Variants in SNX29 observed in about 807,000 individuals in gnomAD.
SNX29 encodes the protein sorting nexin-29.
A neutral mutation model predicts 102.1 loss-of-function variants in SNX29; 78 were observed. That is an observed-to-expected ratio of 0.76 (90% CI 0.64 to 0.92). SNX29 has a LOEUF of 0.92. Among genes scored for constraint, SNX29 ranks in the 40% least tolerant of loss-of-function variants. The pLI, the probability that SNX29 is intolerant of heterozygous loss-of-function variation, is 0.00. For synonymous variants in SNX29, 580 were observed against 414.5 expected (o/e 1.40, Z -4.85); for missense variants, 1,280 against 1,061.7 (o/e 1.21, Z -2.86).
intron 11 of SNX29, among the ~76,000 whole-genome samples, chr16:12,107,705 G>A (rs1010566456): frequency 2.6e-5 from 4 of 152,140 alleles, no homozygotes; most frequent in Non-Finnish European, 1.5e-5. Flanking sequence ...TCGAGGTGAC[G>A]AGTGGGTGGT....
chr16:12,352,549 A>C (rs2082018898), intron 15 of SNX29, among the ~76,000 whole-genome samples: 2 of 152,374 alleles, frequency 1.3e-5, no homozygotes, highest in African/African-American at 4.8e-5. Flanking sequence ...CCAAATAGGC[A>C]AGTTACTTAA....
intron 10 of SNX29, among the ~76,000 whole-genome samples, chr16:12,071,318 C>G (rs2051290295): frequency 6.6e-6 from 1 of 152,096 alleles, no homozygotes; most frequent in Non-Finnish European, 1.5e-5. Flanking sequence ...ACATGTAAGT[C>G]TTTAATCCAT....
chr16:12,350,035 T>C (rs2081950870), intron 15 of SNX29, among the ~76,000 whole-genome samples: 1 of 152,244 alleles, frequency 6.6e-6, no homozygotes, highest in Admixed American at 6.5e-5. Context: ...TTTCCTCCTC[T>C]GATGTTATAC....
intron 20 of SNX29, among the ~76,000 whole-genome samples, chr16:12,551,330 T>C (rs1331322816): frequency 6.6e-6 from 1 of 152,210 alleles, no homozygotes; most frequent in African/African-American, 2.4e-5. Flanking sequence ...ACCTCAGAGA[T>C]ATGTGGAATC....
chr16:12,198,680 G>A (rs1468677560), intron 13 of SNX29, among the ~76,000 whole-genome samples: 1 of 152,190 alleles, frequency 6.6e-6, no homozygotes, highest in Non-Finnish European at 1.5e-5. Context: ...GTGGGCCTTG[G>A]GGGCAGGGAA....
intron 20 of SNX29, among the ~76,000 whole-genome samples, chr16:12,540,828 G>T (rs2077300659): frequency 6.6e-6 from 1 of 152,178 alleles, no homozygotes; most frequent in Non-Finnish European, 1.5e-5. Flanking sequence ...GGGGCAAAAA[G>T]AAACAAGATC....
intron 20 of SNX29, among the ~76,000 whole-genome samples, chr16:12,537,384 A>C (rs181630062): frequency 6.6e-6 from 1 of 152,256 alleles, no homozygotes; most frequent in African/African-American, 2.4e-5. Context: ...AGAAAGAGCA[A>C]GACTTTGAGC....
At chr16:12,084,252 TCTC>T (rs2052052517) in intron 11 of SNX29, among the ~76,000 whole-genome samples, 1 of 152,010 alleles carries the variant, frequency 6.6e-6, no homozygotes, top group Admixed American at 6.6e-5. Flanking sequence ...TTCAGGCTAT[TCTC>T]CTGCCTCAGC....
intron 10 of SNX29, among the ~76,000 whole-genome samples, chr16:12,074,266 G>A (rs905061505): frequency 4.6e-5 from 7 of 152,014 alleles, no homozygotes; most frequent in Admixed American, 2.0e-4. Context: ...TTCTAGTCTC[G>A]ATGGTCTTTA....
intron 14 of SNX29, among the ~76,000 whole-genome samples, chr16:12,242,960 C>T (rs1460951537): frequency 1.3e-5 from 2 of 152,152 alleles, no homozygotes; most frequent in African/African-American, 4.8e-5. Context: ...TCCCCACCCC[C>T]AAAACCCTAC....
intron 7 of SNX29, among the ~76,000 whole-genome samples, chr16:12,049,803 G>GA (rs1405009723): frequency 1.3e-5 from 2 of 152,056 alleles, no homozygotes; most frequent in Non-Finnish European, 2.9e-5. Flanking sequence ...TATATGTAGA[G>GA]ACAGGGTCTT....
At chr16:12,567,614 C>T (rs940981567) in intron 20 of SNX29, among the ~76,000 whole-genome samples, 5 of 152,190 alleles carry the variant, frequency 3.3e-5, no homozygotes, top group African/African-American at 1.2e-4. Flanking sequence ...CAAAAAATTA[C>T]ACTCAGGTAT....
At chr16:12,115,485 T>TTATG (rs369070216) in intron 11 of SNX29, among the ~76,000 whole-genome samples, 4 of 141,858 alleles carry the variant, frequency 2.8e-5, no homozygotes, top group African/African-American at 1.1e-4. Context: ...CCACCTTGAT[T>TTATG]TGTGTGTGTG....
intron 18 of SNX29, among the ~76,000 whole-genome samples, chr16:12,460,281 C>T (rs1220102056): frequency 1.3e-5 from 2 of 152,232 alleles, no homozygotes; most frequent in South Asian, 2.1e-4. Context: ...CTAAAACTGT[C>T]TGCTGGGCAT....
intron 16 of SNX29, chr16:12,373,725 T>TC (rs1186332475): frequency 6.6e-6 from 1 of 152,180 alleles, no homozygotes; most frequent in Non-Finnish European, 1.5e-5. Context: ...TTCCCGCTTT[T>TC]CACCTTAGCA....
chr16:12,476,624 C>T (rs1357149102), intron 18 of SNX29, among the ~76,000 whole-genome samples: 4 of 150,848 alleles, frequency 2.7e-5, no homozygotes, highest in South Asian at 2.1e-4. Context: ...TCAGAGACCC[C>T]GGGACTTCTG....
chr16:12,302,156 G>A (rs1420090195), intron 15 of SNX29, among the ~76,000 whole-genome samples: 3 of 152,224 alleles, frequency 2.0e-5, no homozygotes, highest in African/African-American at 4.8e-5. Context: ...GGGCCAGAGG[G>A]TGGATGTGTT....
chr16:12,215,471 G>A (rs1012044832), intron 14 of SNX29, among the ~76,000 whole-genome samples: 1 of 152,142 alleles, frequency 6.6e-6, no homozygotes, highest in Non-Finnish European at 1.5e-5. Context: ...CTGATGTCCT[G>A]ATACAGAAGT....
intron 20 of SNX29, among the ~76,000 whole-genome samples, chr16:12,554,991 C>T (rs1037230190): frequency 1.6e-4 from 24 of 151,930 alleles, no homozygotes; most frequent in Admixed American, 1.3e-3. Context: ...GCCGGAGCAC[C>T]TTTCTTTCTT....
Sources: gnomAD v4.1 joint callset for allele counts (sites outside exome capture counted in the v4.1 genomes callset) on GRCh38, gnomAD v4.1.1 for gene constraint, MANE v1.5 for transcripts, NCBI Gene and HGNC (gene_info 2026-07-23, HGNC 2026-07-21) for gene names.